SUPT3H: variants seen among roughly 807,000 people sequenced by gnomAD.
SUPT3H encodes the protein SPT3 homolog, SAGA and STAGA complex component.
SUPT3H carries 44 observed loss-of-function variants against 44.3 expected under a neutral mutation model. That is an observed-to-expected ratio of 0.99 (90% CI 0.78 to 1.28). The LOEUF (loss-of-function observed/expected upper bound fraction) is 1.28. Among genes scored for constraint, SUPT3H ranks in the 50% most tolerant of loss-of-function variants. SUPT3H has a pLI of 0.00. For synonymous variants in SUPT3H, 124 were observed against 125.6 expected (o/e 0.99, Z 0.09); for missense variants, 380 against 387.1 (o/e 0.98, Z 0.15).
intron 2 of SUPT3H, among the ~76,000 whole-genome samples, chr6:45,213,548 ATATT>A (rs1328491729): frequency 1.3e-5 from 2 of 152,136 alleles, no homozygotes; most frequent in African/African-American, 4.8e-5. Flanking sequence ...GGAGAAACAA[ATATT>A]TATAGCCACT....
At chr6:45,133,005 G>A (rs1409554197) in intron 2 of SUPT3H, among the ~76,000 whole-genome samples, 1 of 152,120 alleles carries the variant, frequency 6.6e-6, no homozygotes, top group East Asian at 1.9e-4. Context: ...TGCCTCCCAT[G>A]AATAGACACT....
intron 10 of SUPT3H, among the ~76,000 whole-genome samples, chr6:44,857,266 G>A (rs966654642): frequency 3.9e-5 from 6 of 151,952 alleles, no homozygotes; most frequent in African/African-American, 7.3e-5. Context: ...AACACAAAGC[G>A]CCATAATGGA....
At chr6:45,006,944 T>C (rs1023500794) in intron 5 of SUPT3H, among the ~76,000 whole-genome samples, 2 of 152,154 alleles carry the variant, frequency 1.3e-5, no homozygotes, top group African/African-American at 4.8e-5. Flanking sequence ...AACTTTGAAG[T>C]TTATCACTGG....
At chr6:45,315,438 C>A (rs1293218208) in intron 2 of SUPT3H, among the ~76,000 whole-genome samples, 10 of 151,932 alleles carry the variant, frequency 6.6e-5, no homozygotes, top group African/African-American at 2.4e-4. Context: ...CAAGAAAAAT[C>A]AATCAATACC....
intron 2 of SUPT3H, among the ~76,000 whole-genome samples, chr6:45,141,175 A>T (rs890698549): frequency 9.2e-5 from 14 of 151,790 alleles, no homozygotes; most frequent in African/African-American, 3.4e-4. Flanking sequence ...CTCCATCTCT[A>T]CTAAAATTAT....
chr6:44,969,798 T>C (rs182972202), intron 6 of SUPT3H, among the ~76,000 whole-genome samples: 42 of 152,232 alleles, frequency 2.8e-4, no homozygotes, highest in African/African-American at 9.9e-4. Flanking sequence ...AAAATAGGTT[T>C]CCAGTGGTGC....
At chr6:45,336,337 G>C (rs906419880) in intron 2 of SUPT3H, among the ~76,000 whole-genome samples, 2 of 151,346 alleles carry the variant, frequency 1.3e-5, no homozygotes, top group African/African-American at 4.8e-5. Flanking sequence ...TAAGCATATT[G>C]CAGAATATTT....
chr6:45,179,277 A>G (rs529829968), intron 2 of SUPT3H, among the ~76,000 whole-genome samples: 109 of 152,334 alleles, frequency 7.2e-4, no homozygotes, highest in South Asian at 1.4e-3. Flanking sequence ...AGATGGATTC[A>G]CAGCCGAATT....
chr6:44,884,453 T>G (rs2153436497), intron 10 of SUPT3H, among the ~76,000 whole-genome samples: 1 of 152,260 alleles, frequency 6.6e-6, no homozygotes, highest in Admixed American at 6.5e-5. Flanking sequence ...TGGCGATTCC[T>G]CCAGGATCTA....
intron 6 of SUPT3H, among the ~76,000 whole-genome samples, chr6:44,994,027 G>A (rs569997911): frequency 1.3e-5 from 2 of 152,028 alleles, no homozygotes; most frequent in South Asian, 4.2e-4. Flanking sequence ...GAAAATATAT[G>A]GCTCAAAAAC....
In SUPT3H at chr6:45,135,778, C is replaced by T. The variant is rs538428550; in HGVS notation, c.102-29772G>A. ...ACCCTGATCTCATACTTCTAACTTC[C>T]GGAACTATGAGAAATTGCATTCTGT... On this transcript the variant is annotated intron_variant, in intron 2 of 10. Coordinates refer to ENST00000371459, the MANE Select transcript of SUPT3H (RefSeq NM_003599.4). 1.1e-4 allele frequency among the ~76,000 whole-genome samples: 16 copies of T among 152,240 alleles called. No individual in the cohort carries two copies. In the East Asian group the frequency reaches 1.3e-3, roughly 13 times the overall value.
At chr6:44,906,854 ATTG>A (rs1183234007) in intron 10 of SUPT3H, among the ~76,000 whole-genome samples, 2 of 152,172 alleles carry the variant, frequency 1.3e-5, no homozygotes, top group African/African-American at 4.8e-5. Flanking sequence ...GCTCTTGGCC[ATTG>A]TTGTTTTTAC....
chr6:44,820,599 C>T (rs1478780692), intron 11 of SUPT3H, among the ~76,000 whole-genome samples: 3 of 152,144 alleles, frequency 2.0e-5, no homozygotes, highest in African/African-American at 7.2e-5. Flanking sequence ...TGACTCAACA[C>T]GTATTATGTG....
intron 2 of SUPT3H, among the ~76,000 whole-genome samples, chr6:45,139,609 T>C (rs1583780278): frequency 1.3e-5 from 2 of 152,262 alleles, no homozygotes; most frequent in African/African-American, 4.8e-5. Flanking sequence ...TCTGAACACA[T>C]ATCCCCACTG....
intron 9 of SUPT3H, among the ~76,000 whole-genome samples, chr6:44,951,430 G>C (rs1582707887): frequency 6.6e-6 from 1 of 152,046 alleles, no homozygotes; most frequent in Admixed American, 6.6e-5. Context: ...TTGATGTACA[G>C]GCCCTTGATG....
intron 3 of SUPT3H, among the ~76,000 whole-genome samples, chr6:45,064,969 A>T (rs935149111): frequency 2.7e-5 from 4 of 150,572 alleles, no homozygotes; most frequent in African/African-American, 9.8e-5. Context: ...CCTAATAGAC[A>T]TCTACAGAAC....
intron 2 of SUPT3H, chr6:45,322,999 A>G (rs1785762514): frequency 2.9e-6 from 4 of 1,394,954 alleles, no homozygotes; most frequent in Non-Finnish European, 4.0e-6. Context: ...ACAATTAAGC[A>G]AATCATCCTT....
At chr6:44,867,323 C>T (rs1238623608) in intron 10 of SUPT3H, among the ~76,000 whole-genome samples, 6 of 151,866 alleles carry the variant, frequency 4.0e-5, no homozygotes, top group Non-Finnish European at 7.4e-5. Context: ...AGTTAATTTT[C>T]ATATTTTTAG....
At chr6:45,356,931 A>G (rs957254032) in intron 2 of SUPT3H, among the ~76,000 whole-genome samples, 1 of 152,226 alleles carries the variant, frequency 6.6e-6, no homozygotes, top group East Asian at 1.9e-4. Context: ...AAATCAATAT[A>G]TAATATAGGC....
Sources: allele counts gnomAD v4.1 joint callset (sites outside exome capture counted in the v4.1 genomes callset), GRCh38; gene constraint gnomAD v4.1.1; transcripts MANE v1.5; gene names NCBI Gene and HGNC (gene_info 2026-07-23, HGNC 2026-07-21).